The following EYS variants were observed in gnomAD, a reference collection of about 807,000 sequenced individuals.
EYS encodes the protein protein eyes shut homolog.
Under a neutral mutation model 282.1 loss-of-function variants are expected in EYS, and 250 were observed. That is an observed-to-expected ratio of 0.89 (90% CI 0.80 to 0.98). The LOEUF (loss-of-function observed/expected upper bound fraction) is 0.98, where lower values mean the gene tolerates loss of function less well. EYS is among the 50% of genes least tolerant of loss of function. The pLI is 0.00. For synonymous variants in EYS, 1,355 were observed against 1,282.9 expected, an observed-to-expected ratio of 1.06 and a Z score of -1.20; for missense variants, 4,016 against 3,709.0, an observed-to-expected ratio of 1.08 and a Z score of -2.15.
At chr6:65,398,898 T>C (rs997857488) in intron 7 of EYS, among the ~76,000 whole-genome samples, 1 of 152,160 alleles carries the variant, frequency 6.6e-6, no homozygotes, top group African/African-American at 2.4e-5. Context: ...TAAGGTTTAT[T>C]TCCCAACCTT....
intron 1 of EYS, among the ~76,000 whole-genome samples, chr6:65,647,540 T>C (rs1190431968): frequency 6.6e-6 from 1 of 152,188 alleles, no homozygotes; most frequent in Non-Finnish European, 1.5e-5. Context: ...GTCTTAAATG[T>C]AAGACCTGAA....
At chr6:64,486,009 A>T (rs561885269) in intron 26 of EYS, among the ~76,000 whole-genome samples, 1 of 151,624 alleles carries the variant, frequency 6.6e-6, no homozygotes, top group African/African-American at 2.4e-5. Flanking sequence ...GGTTTTAAAG[A>T]AGTAATAGCT....
At chr6:65,661,106 T>C (rs1017759735) in intron 1 of EYS, among the ~76,000 whole-genome samples, 17 of 152,026 alleles carry the variant, frequency 1.1e-4, no homozygotes, top group South Asian at 2.1e-4. Context: ...CTTTCCAAAA[T>C]GTATTCAGAA....
chr6:65,319,204 C>CAAAAA (rs55687610), intron 11 of EYS, among the ~76,000 whole-genome samples: 24 of 44,378 alleles, frequency 5.4e-4, no homozygotes, highest in African/African-American at 8.8e-4. Context: ...ACTAAAAATG[C>CAAAAA]AAAAAAAAAA....
At chr6:65,268,855 A>T (rs1229524550) in intron 12 of EYS, among the ~76,000 whole-genome samples, 2 of 151,982 alleles carry the variant, frequency 1.3e-5, no homozygotes, top group Non-Finnish European at 1.5e-5. Context: ...ATTTTATTTT[A>T]CATTTCTAAT....
intron 26 of EYS, among the ~76,000 whole-genome samples, chr6:64,485,429 T>A (rs926596232): frequency 6.6e-6 from 1 of 151,638 alleles, no homozygotes; most frequent in Non-Finnish European, 1.5e-5. Context: ...ATAGGCAGTA[T>A]GTGACAGTGG....
chr6:64,685,836 A>T (rs1341133388), intron 22 of EYS, among the ~76,000 whole-genome samples: 6 of 152,222 alleles, frequency 3.9e-5, no homozygotes, highest in African/African-American at 1.4e-4. Context: ...GAATTGAATC[A>T]AAATACCCTA....
intron 26 of EYS, among the ~76,000 whole-genome samples, chr6:64,444,033 GC>G (rs1033413840): frequency 4.6e-5 from 7 of 152,126 alleles, no homozygotes; most frequent in African/African-American, 1.7e-4. Context: ...GCAGAAACAT[GC>G]CCATGAAAGC....
intron 35 of EYS, among the ~76,000 whole-genome samples, chr6:63,903,359 A>G (rs1055734236): frequency 2.0e-5 from 3 of 152,194 alleles, no homozygotes; most frequent in African/African-American, 4.8e-5. Context: ...AATAAACACA[A>G]TATGTAAAGG....
intron 1 of EYS, among the ~76,000 whole-genome samples, chr6:65,663,160 T>C (rs184080073): frequency 3.3e-5 from 5 of 152,304 alleles, no homozygotes; most frequent in African/African-American, 9.6e-5. Context: ...CAGTTTGGCA[T>C]TGTTTATCAA....
At chr6:64,169,432 T>A (rs201912069) in intron 31 of EYS, among the ~76,000 whole-genome samples, 1 of 4,482 alleles carries the variant, frequency 2.2e-4, no homozygotes, top group East Asian at 0.056. Context: ...TGAGGAGGAG[T>A]TTTTTTTTTT....
At chr6:64,710,077 A>C in intron 22 of EYS, among the ~76,000 whole-genome samples, 1 of 152,234 alleles carries the variant, frequency 6.6e-6, no homozygotes, top group African/African-American at 2.4e-5. Flanking sequence ...AAAGAGGGGG[A>C]AACCAAGAAA....
intron 14 of EYS, among the ~76,000 whole-genome samples, chr6:64,974,264 A>G (rs1337838891): frequency 6.6e-6 from 1 of 151,900 alleles, no homozygotes; most frequent in African/African-American, 2.4e-5. Context: ...AAGGGGATAT[A>G]ATGTATTTGA....
At chr6:65,353,831 A>G (rs538009252) in intron 8 of EYS, among the ~76,000 whole-genome samples, 8 of 152,034 alleles carry the variant, frequency 5.3e-5, no homozygotes, top group African/African-American at 1.2e-4. Context: ...CTATATGATA[A>G]TCTTTTAGCT....
intron 12 of EYS, among the ~76,000 whole-genome samples, chr6:65,102,517 C>G (rs181179480): frequency 4.6e-5 from 7 of 150,908 alleles, no homozygotes; most frequent in African/African-American, 1.7e-4. Context: ...AAACAATAGG[C>G]AAATATTTAT....
intron 41 of EYS, among the ~76,000 whole-genome samples, chr6:63,760,612 A>C (rs184968127): frequency 6.1e-4 from 92 of 152,004 alleles, no homozygotes; most frequent in African/African-American, 2.0e-3. Context: ...TACTCTGACT[A>C]TTCCAATATC....
intron 5 of EYS, among the ~76,000 whole-genome samples, chr6:65,421,040 G>C (rs78477099): frequency 0.062 from 9,385 of 151,848 alleles, 389 homozygotes; most frequent in African/African-American, 0.11. Flanking sequence ...TGGAATGGAA[G>C]ATGAGCATTG....
At chr6:64,891,539 T>G (rs1441374170) in intron 18 of EYS, among the ~76,000 whole-genome samples, 1 of 152,048 alleles carries the variant, frequency 6.6e-6, no homozygotes, top group Non-Finnish European at 1.5e-5. Context: ...TCTGAAAAGA[T>G]CCTCATCAAA....
intron 28 of EYS, among the ~76,000 whole-genome samples, chr6:64,404,552 A>C (rs962440053): frequency 6.6e-6 from 1 of 152,284 alleles, no homozygotes; most frequent in Admixed American, 6.5e-5. Flanking sequence ...GGTATTTTAA[A>C]ATACTACCAC....
Sources: allele counts gnomAD v4.1 joint callset (sites outside exome capture counted in the v4.1 genomes callset), GRCh38; gene constraint gnomAD v4.1.1; transcripts MANE v1.5; gene names NCBI Gene and HGNC (gene_info 2026-07-23, HGNC 2026-07-21).